The following BEAN1 variants were observed in gnomAD, a reference collection of about 807,000 sequenced individuals.
BEAN1 encodes brain expressed associated with NEDD4 1.
Under a neutral mutation model 17.7 loss-of-function variants are expected in BEAN1, and 17 were observed. The ratio of observed to expected loss-of-function variants is 0.96; its 90% CI spans 0.66 to 1.44. The LOEUF is 1.44. Ranked by LOEUF, BEAN1 falls within the 40% of genes most tolerant of loss-of-function variation. The pLI is 0.00. For synonymous variants in BEAN1, 142 were observed against 151.8 expected (o/e 0.94, Z 0.47); for missense variants, 359 against 374.1 (o/e 0.96, Z 0.33).
At chr16:66,437,523 T>G (rs1303970854) in intron 1 of BEAN1, 72 bp from the exon 2 acceptor site, 2 of 867,574 alleles carry the variant, frequency 2.3e-6, no homozygotes, top group African/African-American at 1.7e-5. Flanking sequence ...TCAGGAGATG[T>G]GAGCGCCCAG....
chr16:66,468,325 C>A (rs1015924957), intron 2 of BEAN1, among the ~76,000 whole-genome samples: 2 of 152,196 alleles, frequency 1.3e-5, no homozygotes, highest in African/African-American at 2.4e-5. Context: ...GTAACAAATG[C>A]AAAGCTGGGG....
intron 4 of BEAN1, among the ~76,000 whole-genome samples, chr16:66,490,396 C>CAATCACATAAAATAAAATAA (rs1964149467): frequency 1.5e-5 from 1 of 67,602 alleles, no homozygotes; most frequent in Non-Finnish European, 3.0e-5. Flanking sequence ...GACTCTGTTT[C>CAATCACATAAAATAAAATAA]AATAAAATAA....
At chr16:66,442,808 G>A (rs1450208218) in intron 2 of BEAN1, among the ~76,000 whole-genome samples, 14 of 152,204 alleles carry the variant, frequency 9.2e-5, no homozygotes, top group Admixed American at 9.2e-4. Flanking sequence ...AAATTTGAAA[G>A]TCTTGTCCTT....
rs912435635 is a variant in BEAN1 at position 66,477,723 on chromosome 16, C to T, written c.440+13C>T. ...ATTCTCCACCAGGGTAAGGAGGCCT[C>T]ATGGGGAAGGGGGCATCAGAGGATG... is the stretch of plus-strand genomic sequence containing the variant. On this transcript the variant is annotated intron_variant, in intron 4 of 4. Coordinates refer to ENST00000536005, the MANE Select transcript of BEAN1 (RefSeq NM_001178020.3). 7.8e-6 allele frequency: 12 copies of T among 1,536,096 alleles called. No individual in the cohort carries two copies. Among genetic ancestry groups the T allele is most frequent in the Middle Eastern group, 1.7e-4 (1 of 5,936 alleles).
Position 66,480,784 on chromosome 16 carries a change from T to TC in BEAN1, c.645dup (p.Tyr216LeufsTer59), listed in dbSNP as rs1472021201. ...TTCACACGGTCTCCATGGACACCCT[T>TC]CCCCCCTACGAGGCTGTGTGCGGGG... On this transcript the variant is annotated frameshift_variant, in exon 5 of 5. Coordinates refer to ENST00000536005, the MANE Select transcript of BEAN1 (RefSeq NM_001178020.3). LOFTEE classifies it low-confidence loss of function (END_TRUNC). The TC allele has an allele frequency of 6.5e-7, 1 of 1,550,204 alleles. No individual in the cohort carries two copies. Among genetic ancestry groups the TC allele is most frequent in the Non-Finnish European group, 8.7e-7 (1 of 1,146,402 alleles).
chr16:66,472,609 T>G (rs1963526372), intron 3 of BEAN1, among the ~76,000 whole-genome samples: 1 of 151,992 alleles, frequency 6.6e-6, no homozygotes, highest in Non-Finnish European at 1.5e-5. Flanking sequence ...GAGGCTGAGG[T>G]ACAAGAATCG....
chr16:66,493,724 T>A (rs1964209942), downstream of BEAN1, among the ~76,000 whole-genome samples: 1 of 151,834 alleles, frequency 6.6e-6, no homozygotes, highest in Admixed American at 6.6e-5. Context: ...AGGTCCCCAA[T>A]CTCCAGGGCA....
intron 2 of BEAN1, chr16:66,438,026 G>GA (rs1233500778): frequency 4.8e-6 from 2 of 417,500 alleles, no homozygotes; most frequent in African/African-American, 2.0e-5. Flanking sequence ...AAGTAAGTGG[G>GA]AAAAATGCTG....
At chr16:66,456,265 A>T (rs774658405) in intron 2 of BEAN1, among the ~76,000 whole-genome samples, 3 of 152,224 alleles carry the variant, frequency 2.0e-5, no homozygotes, top group Admixed American at 6.5e-5. Context: ...AACATTTTAC[A>T]TGTCAATTAT....
intron 3 of BEAN1, among the ~76,000 whole-genome samples, chr16:66,472,309 C>T (rs1028352318): frequency 6.6e-6 from 1 of 152,232 alleles, no homozygotes; most frequent in Non-Finnish European, 1.5e-5. Flanking sequence ...ACAGGTGACT[C>T]GTCCCCAGAC....
chr16:66,460,992 G>T (rs1963060235), intron 2 of BEAN1, among the ~76,000 whole-genome samples: 1 of 152,200 alleles, frequency 6.6e-6, no homozygotes. Flanking sequence ...ATACAATACA[G>T]TAGGTGCTCA....
At chr16:66,450,573 C>T (rs1015858771) in intron 2 of BEAN1, among the ~76,000 whole-genome samples, 4 of 152,002 alleles carry the variant, frequency 2.6e-5, no homozygotes, top group African/African-American at 9.7e-5. Context: ...TTAAGATTAG[C>T]CAGGTGTGGT....
rs558807584 is a variant in BEAN1, at chr16:66,428,238, G to C, written c.-83+807G>C. 1.8e-3 allele frequency: 270 copies of C among 152,630 alleles called. 1 individual carries two copies. Among genetic ancestry groups the C allele is most frequent in the Non-Finnish European group, 2.9e-3 (201 of 68,240 alleles). The allele number at this position is 152,630 out of a possible 1,614,324, so 9.5% of individuals were successfully genotyped here. A position where few individuals can be genotyped will look rare whatever the true frequency, so the allele number is the denominator to read the frequency against. On this transcript the variant is annotated intron_variant, in intron 1 of 4. Coordinates refer to ENST00000536005, the MANE Select transcript of BEAN1 (RefSeq NM_001178020.3). Reference sequence around the variant, plus strand: ...CTTCCCTATCGGGCTCTGCGGTCTGGAGGCTGGAGAGCGGTGAGGACCAGG... The same window carrying C: ...CTTCCCTATCGGGCTCTGCGGTCTGCAGGCTGGAGAGCGGTGAGGACCAGG...
chr16:66,431,585 G>A (rs983270647), intron 1 of BEAN1, among the ~76,000 whole-genome samples: 2 of 146,950 alleles, frequency 1.4e-5, no homozygotes, highest in African/African-American at 5.0e-5. Flanking sequence ...CTTTTGCTAT[G>A]TATTAATATA....
chr16:66,448,114 AATCCC>A (rs1437943085), intron 2 of BEAN1, among the ~76,000 whole-genome samples: 1 of 152,290 alleles, frequency 6.6e-6, no homozygotes, highest in East Asian at 1.9e-4. Flanking sequence ...TGCCTGTTGC[AATCCC>A]TCCCCTGTAG....
chr16:66,469,999 G>C (rs1963415269), intron 3 of BEAN1, 134 bp downstream of exon 3: 1 of 1,264,506 alleles, frequency 7.9e-7, no homozygotes, highest in East Asian at 2.5e-5. Context: ...GTCTTGGGTG[G>C]TCAGGAAGAG....
At chr16:66,463,943 G>A (rs1165344326) in intron 2 of BEAN1, among the ~76,000 whole-genome samples, 2 of 152,176 alleles carry the variant, frequency 1.3e-5, no homozygotes, top group South Asian at 2.1e-4. Flanking sequence ...CCATAAATAT[G>A]AGGGTCTGTT....
intron 2 of BEAN1, chr16:66,437,946 G>A: frequency 1.6e-6 from 1 of 607,404 alleles, no homozygotes; most frequent in South Asian, 1.9e-5. Flanking sequence ...CCGAAGTGTG[G>A]ATCGGAGTTC....
At chr16:66,446,075 C>T (rs1403238398) in intron 2 of BEAN1, among the ~76,000 whole-genome samples, 2 of 151,946 alleles carry the variant, frequency 1.3e-5, no homozygotes, top group African/African-American at 4.8e-5. Context: ...CCCAGCTACT[C>T]GGGAGGCTGA....
Sources: allele counts gnomAD v4.1 joint callset (sites outside exome capture counted in the v4.1 genomes callset), GRCh38; gene constraint gnomAD v4.1.1; transcripts MANE v1.5; gene names NCBI Gene and HGNC (gene_info 2026-07-23, HGNC 2026-07-21).